TRPM8: variants seen among roughly 807,000 people sequenced by gnomAD.
TRPM8 encodes TRPM8 cationic channel.
Under a neutral mutation model 133.7 loss-of-function variants are expected in TRPM8, and 110 were observed. The observed-to-expected ratio is 0.82, with a 90% CI of 0.70 to 0.96. TRPM8 has a LOEUF of 0.96. Among genes scored for constraint, TRPM8 ranks in the 40% least tolerant of loss-of-function variants. The probability of loss-of-function intolerance (pLI) is 0.00; values close to 1 mark genes in which losing one functional copy is unlikely to be tolerated. For missense variants in TRPM8, 1,291 were observed against 1,379.5 expected (o/e 0.94, Z 1.02); for synonymous variants, 535 against 532.3 (o/e 1.01, Z -0.07).
intron 10 of TRPM8, among the ~76,000 whole-genome samples, chr2:233,954,356 G>C (rs980325102): frequency 6.6e-6 from 1 of 152,150 alleles, no homozygotes; most frequent in African/African-American, 2.4e-5. Context: ...ATGGATCTTT[G>C]TCCTAGCATT....
At chr2:233,928,194 C>T (rs1040104782) in intron 2 of TRPM8, among the ~76,000 whole-genome samples, 21 of 151,860 alleles carry the variant, frequency 1.4e-4, no homozygotes, top group African/African-American at 4.8e-4. Flanking sequence ...TGGTCTCGAT[C>T]TCCTGACCTC....
chr2:233,984,628 C>T (rs937117524), intron 20 of TRPM8, among the ~76,000 whole-genome samples: 1 of 152,294 alleles, frequency 6.6e-6, no homozygotes, highest in South Asian at 2.1e-4. Context: ...CCATCCTCGT[C>T]GCTTGCCTGC....
chr2:233,923,853 T>C (rs1691458514), intron 1 of TRPM8, among the ~76,000 whole-genome samples: 1 of 152,092 alleles, frequency 6.6e-6, no homozygotes, highest in Admixed American at 6.5e-5. Context: ...CAGCCAAAAT[T>C]GAGTTTGCAT....
chr2:233,940,564 T>G (rs1574704849), intron 5 of TRPM8, among the ~76,000 whole-genome samples: 1 of 152,236 alleles, frequency 6.6e-6, no homozygotes, highest in Non-Finnish European at 1.5e-5. Flanking sequence ...GGGCGCCTCT[T>G]TCTATGCAGA....
intron 6 of TRPM8, 124 bp from the exon 7 acceptor site, chr2:233,945,732 A>C: frequency 1.3e-6 from 1 of 763,330 alleles, no homozygotes; most frequent in Non-Finnish European, 2.1e-6. Context: ...GGATTTAGGA[A>C]TCTGGGAGGA....
chr2:233,939,589 G>C (rs1690853287), intron 5 of TRPM8, among the ~76,000 whole-genome samples: 1 of 152,188 alleles, frequency 6.6e-6, no homozygotes, highest in Non-Finnish European at 1.5e-5. Context: ...GAGCACCACA[G>C]AAGTGTCTGA....
intron 8 of TRPM8, chr2:233,947,709 C>T: frequency 1.2e-6 from 1 of 827,042 alleles, no homozygotes; most frequent in Non-Finnish European, 1.7e-6. Context: ...TCTGTATGGA[C>T]TCATTACTGA....
At chr2:233,954,929 A>T (rs1691255222) in intron 10 of TRPM8, 1 of 505,038 alleles carries the variant, frequency 2.0e-6, no homozygotes, top group South Asian at 2.5e-5. Flanking sequence ...GCCTGAGTTG[A>T]TCCCCATTAT....
rs771695149 is a variant in TRPM8 at position 233,964,616 on chromosome 2, C to A, written c.1750-12C>A. ...AAGAATTAACCTTAAAATTCTTCAC[C>A]CCCCTAAAAAGACCAGGGGCTGCAC... On this transcript the variant is annotated splice_polypyrimidine_tract_variant and intron_variant, in intron 13 of 25. Coordinates refer to ENST00000324695, the MANE Select transcript of TRPM8 (RefSeq NM_024080.5). The A allele has an allele frequency of 1.3e-6, 2 of 1,507,642 alleles. No homozygotes were observed. The highest frequency in any genetic ancestry group is 1.4e-5 in the South Asian group (1 of 72,850). The allele number at this position is 1,507,642 out of a possible 1,614,324, so 93.4% of individuals were successfully genotyped here. A position where few individuals can be genotyped will look rare whatever the true frequency, so the allele number is the denominator to read the frequency against.
chr2:233,965,196 T>C (rs1339790213), intron 14 of TRPM8, among the ~76,000 whole-genome samples: 1 of 152,186 alleles, frequency 6.6e-6, no homozygotes, highest in African/African-American at 2.4e-5. Flanking sequence ...GCGACACTCA[T>C]GGTTTCTTAC....
intron 3 of TRPM8, among the ~76,000 whole-genome samples, chr2:233,933,253 T>C (rs1194840992): frequency 1.3e-5 from 2 of 152,312 alleles, no homozygotes; most frequent in Admixed American, 6.5e-5. Context: ...AAATATTCTA[T>C]GTCCGCACCA....
At chr2:233,927,839 CCTTCCTTCCTTCCTTTCTTTCTCTT>C (rs1691576455) in intron 2 of TRPM8, among the ~76,000 whole-genome samples, 1 of 67,340 alleles carries the variant, frequency 1.5e-5, no homozygotes, top group Non-Finnish European at 2.6e-5. Flanking sequence ...TTCCTTCCTT[CCTTCCTTCCTTCCTTTCTTTCTCTT>C]TCTTTCTTTC....
At chr2:233,987,535 G>A (rs1692174589) in intron 21 of TRPM8, among the ~76,000 whole-genome samples, 1 of 152,168 alleles carries the variant, frequency 6.6e-6, no homozygotes, top group Non-Finnish European at 1.5e-5. Context: ...ACATACCTCT[G>A]GGGACATCAC....
At chr2:234,002,468 A>T (rs1021854720) in intron 22 of TRPM8, among the ~76,000 whole-genome samples, 1 of 152,156 alleles carries the variant, frequency 6.6e-6, no homozygotes, top group African/African-American at 2.4e-5. Context: ...AACATACATC[A>T]TGACACCTCT....
intron 21 of TRPM8, among the ~76,000 whole-genome samples, chr2:233,991,279 T>C (rs939879718): frequency 6.6e-6 from 1 of 152,256 alleles, no homozygotes; most frequent in African/African-American, 2.4e-5. Context: ...TTGGTTATTC[T>C]GTTAGCAATA....
At chr2:234,012,349 T>G (rs571638616) in intron 24 of TRPM8, among the ~76,000 whole-genome samples, 19 of 152,180 alleles carry the variant, frequency 1.2e-4, no homozygotes, top group Admixed American at 9.8e-4. Context: ...GGTTTCACCA[T>G]GTTGAGCAGG....
chr2:233,952,195 G>T (rs938662339), intron 9 of TRPM8, among the ~76,000 whole-genome samples: 2 of 152,144 alleles, frequency 1.3e-5, no homozygotes, highest in Non-Finnish European at 2.9e-5. Context: ...TCTGAAATAG[G>T]CACTTCAGAA....
At chr2:233,919,100 A>G (rs1691358777) in intron 1 of TRPM8, among the ~76,000 whole-genome samples, 1 of 151,844 alleles carries the variant, frequency 6.6e-6, no homozygotes, top group African/African-American at 2.4e-5. Context: ...TGAAAATGAC[A>G]CTTTAGGACT....
intron 12 of TRPM8, among the ~76,000 whole-genome samples, chr2:233,962,191 C>T (rs1691456211): frequency 1.3e-5 from 2 of 152,160 alleles, no homozygotes; most frequent in Admixed American, 6.5e-5. Flanking sequence ...CACCTATAAT[C>T]CTGCAGAACT....
Sources: allele counts gnomAD v4.1 joint callset (sites outside exome capture counted in the v4.1 genomes callset), GRCh38; gene constraint gnomAD v4.1.1; transcripts MANE v1.5; gene names NCBI Gene and HGNC (gene_info 2026-07-23, HGNC 2026-07-21).